The following MTRF1 variants were observed in gnomAD, a reference collection of about 807,000 sequenced individuals.
MTRF1 encodes the protein peptide chain release factor 1, mitochondrial.
In MTRF1, 51 loss-of-function variants were observed where a neutral mutation model predicts 62.9. The observed-to-expected ratio is 0.81, with a 90% confidence interval of 0.65 to 1.02. The LOEUF is 1.02. Among genes scored for constraint, MTRF1 ranks in the 50% least tolerant of loss-of-function variants. The probability of loss-of-function intolerance (pLI) is 0.00; values close to 1 mark genes in which losing one functional copy is unlikely to be tolerated. For missense variants in MTRF1, 446 were observed against 530.0 expected, an observed-to-expected ratio of 0.84 and a Z score of 1.56; for synonymous variants, 158 against 181.9, an observed-to-expected ratio of 0.87 and a Z score of 1.06.
the MTRF1 span, chr13:41,311,614 CG>C: frequency 6.3e-7 from 1 of 1,590,964 alleles, no homozygotes. Flanking sequence ...TGCCGCCCCC[CG>C]GTCCCCGGGT....
intron 1 of MTRF1, chr13:41,263,134 AAT>A (rs1359629950): frequency 3.9e-6 from 2 of 516,794 alleles, no homozygotes; most frequent in African/African-American, 2.0e-5. Context: ...AAGGATGACA[AAT>A]ATATGTTTGT....
the MTRF1 span, among the ~76,000 whole-genome samples, chr13:41,282,850 CT>C: frequency 2.0e-5 from 3 of 152,346 alleles, no homozygotes; most frequent in East Asian, 5.8e-4. Context: ...CCCATATGGG[CT>C]TCCCTTTAAT....
chr13:41,307,257 C>T, the MTRF1 span, among the ~76,000 whole-genome samples: 1 of 152,046 alleles, frequency 6.6e-6, no homozygotes, highest in Admixed American at 6.6e-5. Flanking sequence ...TAGGAGGTGA[C>T]TGGATCATGG....
the MTRF1 span, among the ~76,000 whole-genome samples, chr13:41,273,612 T>C: frequency 3.9e-5 from 6 of 151,988 alleles, no homozygotes; most frequent in Non-Finnish European, 5.9e-5. Context: ...CTGAGGCAGG[T>C]GGATCACCTG....
At chr13:41,260,372 A>T in intron 2 of MTRF1, 121 bp downstream of exon 2, 1 of 1,019,158 alleles carries the variant, frequency 9.8e-7, no homozygotes, top group Non-Finnish European at 1.4e-6. Flanking sequence ...AAAAAAACAA[A>T]GACTAAGTTC....
chr13:41,301,042 G>A, the MTRF1 span, among the ~76,000 whole-genome samples: 3 of 152,134 alleles, frequency 2.0e-5, no homozygotes, highest in Admixed American at 6.5e-5. Context: ...TTTTCATAAA[G>A]ATTAAATAAG....
At chr13:41,292,947 A>C in the MTRF1 span, among the ~76,000 whole-genome samples, 1 of 152,154 alleles carries the variant, frequency 6.6e-6, no homozygotes, top group Non-Finnish European at 1.5e-5. Context: ...AAAAAACTAA[A>C]ATCAAACTGC....
At chr13:41,263,395 A>C in intron 1 of MTRF1, 90 bp downstream of exon 1, 1 of 802,086 alleles carries the variant, frequency 1.2e-6, no homozygotes, top group Middle Eastern at 2.7e-4. Context: ...AGCACGGGCA[A>C]ACCATGCTGT....
intron 5 of MTRF1, among the ~76,000 whole-genome samples, chr13:41,241,959 G>A (rs187655128): frequency 1.3e-5 from 2 of 152,302 alleles, no homozygotes; most frequent in African/African-American, 2.4e-5. Flanking sequence ...TTACAAAATG[G>A]TGATAAGTCT....
the MTRF1 span, among the ~76,000 whole-genome samples, chr13:41,280,916 T>A: frequency 6.6e-6 from 1 of 152,180 alleles, no homozygotes. Context: ...AGCATTTGTA[T>A]TTGCATCCCT....
chr13:41,266,477 T>A (rs9796145), upstream of MTRF1, among the ~76,000 whole-genome samples: 2 of 151,604 alleles, frequency 1.3e-5, no homozygotes, highest in African/African-American at 4.8e-5. Context: ...CCAAGCACAG[T>A]GGCACGCACC....
intron 1 of MTRF1, chr13:41,261,868 G>A: frequency 1.3e-6 from 1 of 792,648 alleles, no homozygotes; most frequent in Non-Finnish European, 1.5e-6. Context: ...CAAGAAAGTA[G>A]GGCTGGTGAA....
At chr13:41,299,174 C>T in the MTRF1 span, among the ~76,000 whole-genome samples, 1 of 147,698 alleles carries the variant, frequency 6.8e-6, no homozygotes, top group Admixed American at 6.8e-5. Flanking sequence ...GCCTGGGTGA[C>T]AGAGTGAGAC....
the MTRF1 span, among the ~76,000 whole-genome samples, chr13:41,270,623 A>G: frequency 1.3e-5 from 2 of 152,254 alleles, no homozygotes; most frequent in African/African-American, 4.8e-5. Flanking sequence ...CAAAATTTAC[A>G]TGATAAGGTA....
chr13:41,260,001 CT>C (rs1227475992), intron 2 of MTRF1, among the ~76,000 whole-genome samples: 2 of 152,278 alleles, frequency 1.3e-5, no homozygotes, highest in Non-Finnish European at 2.9e-5. Context: ...TAAAATAAAG[CT>C]TCTGAAAAGA....
intron 2 of MTRF1, among the ~76,000 whole-genome samples, chr13:41,258,586 A>AC (rs1295248841): frequency 2.4e-4 from 37 of 151,448 alleles, no homozygotes; most frequent in African/African-American, 8.7e-4. Flanking sequence ...AAAAAAAAAA[A>AC]ACATAAAAAA....
At chr13:41,284,042 G>T in the MTRF1 span, among the ~76,000 whole-genome samples, 1 of 134,768 alleles carries the variant, frequency 7.4e-6, no homozygotes, top group Non-Finnish European at 1.7e-5. Context: ...ACATTACATT[G>T]TGTTCAAACA....
intron 5 of MTRF1, among the ~76,000 whole-genome samples, chr13:41,244,178 C>T (rs923577881): frequency 1.3e-5 from 2 of 151,922 alleles, no homozygotes; most frequent in Non-Finnish European, 2.9e-5. Flanking sequence ...GTTCCCTTCA[C>T]ATTTATAAGT....
upstream of MTRF1, among the ~76,000 whole-genome samples, chr13:41,265,290 C>T (rs2040809763): frequency 6.6e-6 from 1 of 151,788 alleles, no homozygotes; most frequent in Non-Finnish European, 1.5e-5. Context: ...GGCGTGGTGG[C>T]TCATGCTTGT....
Sources: gnomAD v4.1 joint callset for allele counts (sites outside exome capture counted in the v4.1 genomes callset) on GRCh38, gnomAD v4.1.1 for gene constraint, MANE v1.5 for transcripts, NCBI Gene and HGNC (gene_info 2026-07-23, HGNC 2026-07-21) for gene names.